Variants in DPH6 observed in about 807,000 individuals in gnomAD.
DPH6 encodes diphthamine biosynthesis 6.
In DPH6, 33 loss-of-function variants were observed where a neutral mutation model predicts 38.2. The ratio of observed to expected loss-of-function variants is 0.86; its 90% CI spans 0.65 to 1.15. The LOEUF (loss-of-function observed/expected upper bound fraction) is 1.15. Among genes scored for constraint, DPH6 ranks in the 50% most tolerant of loss-of-function variants. The probability of loss-of-function intolerance (pLI) is 0.00; values close to 1 mark genes in which losing one functional copy is unlikely to be tolerated. For missense variants in DPH6, 325 were observed against 320.0 expected, an observed-to-expected ratio of 1.02 and a Z score of -0.12; for synonymous variants, 108 against 103.0, an observed-to-expected ratio of 1.05 and a Z score of -0.30.
intron 3 of DPH6, among the ~76,000 whole-genome samples, chr15:35,458,678 A>G (rs1475613152): frequency 6.6e-6 from 1 of 152,210 alleles, no homozygotes; most frequent in Non-Finnish European, 1.5e-5. Flanking sequence ...AGACAGCCAA[A>G]TGAATCACCT....
chr15:35,511,142 C>A (rs547603626), intron 3 of DPH6, among the ~76,000 whole-genome samples: 1 of 152,096 alleles, frequency 6.6e-6, no homozygotes, highest in African/African-American at 2.4e-5. Flanking sequence ...TTAATAAGAT[C>A]CCCAAATGAT....
At chr15:35,366,119 C>A (rs1356641561), downstream of DPH6, 2 of 719,090 alleles carry the variant, frequency 2.8e-6, no homozygotes, top group Non-Finnish European at 3.4e-6. Context: ...TGGCAGCATA[C>A]CTCCATGGAT....
intron 5 of DPH6, among the ~76,000 whole-genome samples, chr15:35,434,927 C>T (rs112987945): frequency 0.024 from 3,700 of 151,994 alleles, 166 homozygotes; most frequent in African/African-American, 0.085. Context: ...GTATATGCCA[C>T]CATGCCCAGC....
In DPH6 at chr15:35,387,154, A is replaced by T. The variant is rs531269938; in HGVS notation, c.568-5238T>A. 1.4e-3 allele frequency among the ~76,000 whole-genome samples: 220 copies of T among 152,248 alleles called. 1 individual carries two copies. The highest frequency in any genetic ancestry group is 5.2e-3 in the African/African-American group (214 of 41,550). ...TTTGTCAAAGATCGGATAGTTGTAGACATGCGGCATTATATCTGAGGTCTC... is the reference window on the plus strand; with the variant it reads ...TTTGTCAAAGATCGGATAGTTGTAGTCATGCGGCATTATATCTGAGGTCTC... On this transcript the variant is annotated intron_variant, in intron 6 of 8. Transcript: ENST00000256538.
chr15:35,251,595 A>G (rs1437581297), intron 3 of DPH6, among the ~76,000 whole-genome samples: 1 of 152,170 alleles, frequency 6.6e-6, no homozygotes, highest in African/African-American at 2.4e-5. Context: ...CCCTTGCCAC[A>G]TCCAAGATCC....
chr15:35,300,349 TA>T (rs2052046492), intron 3 of DPH6, among the ~76,000 whole-genome samples: 1 of 152,172 alleles, frequency 6.6e-6, no homozygotes, highest in South Asian at 2.1e-4. Context: ...ACATTGAGAA[TA>T]AATCATGGAG....
intron 6 of DPH6, among the ~76,000 whole-genome samples, chr15:35,383,298 T>C (rs1226154910): frequency 6.6e-6 from 1 of 152,228 alleles, no homozygotes; most frequent in Non-Finnish European, 1.5e-5. Context: ...ATTACCATTA[T>C]AAAAGACTCA....
At chr15:35,292,112 T>C (rs1488032715) in intron 3 of DPH6, among the ~76,000 whole-genome samples, 1 of 152,142 alleles carries the variant, frequency 6.6e-6, no homozygotes, top group Non-Finnish European at 1.5e-5. Context: ...TCAATACAAA[T>C]ATCTAAATGT....
chr15:35,396,633 T>A lies in DPH6; in HGVS notation c.567+14202A>T, dbSNP rs530437994. On this transcript the variant is annotated intron_variant, in intron 6 of 8. Transcript: ENST00000256538. ...AATTTTTTTCCTTGAAATTCTGTGATACATGATTTTTACTCTCTTAAAGTA... is the reference window on the plus strand; with the variant it reads ...AATTTTTTTCCTTGAAATTCTGTGAAACATGATTTTTACTCTCTTAAAGTA... Among the ~76,000 whole-genome samples, 131 of 152,312 alleles carry A rather than the reference T, an allele frequency of 8.6e-4. 1 individual carries two copies. Among genetic ancestry groups the A allele is most frequent in the Non-Finnish European group, 1.5e-3 (102 of 68,016 alleles).
chr15:35,426,403 A>G (rs1295731769), intron 5 of DPH6, among the ~76,000 whole-genome samples: 1 of 151,832 alleles, frequency 6.6e-6, no homozygotes, highest in East Asian at 1.9e-4. Flanking sequence ...TTTACTGTTC[A>G]GCATTCTTTT....
Position 35,232,600 on chromosome 15 carries a change from AAAAC to A in DPH6, n.201-12022_201-12019del, listed in dbSNP as rs548765019. ...CGTGTCAAAAACAAAAACAAAAACA[AAAAC>A]AAACAAACAAACAACAACAATATAT... On this transcript the variant is annotated intron_variant and non_coding_transcript_variant, in intron 3 of 3. Transcript: ENST00000560386. 3.6e-3 allele frequency among the ~76,000 whole-genome samples: 547 copies of A among 152,132 alleles called. 2 individuals are homozygous for A. Among genetic ancestry groups the A allele is most frequent in the African/African-American group, 0.012 (485 of 41,514 alleles).
At chr15:35,312,103 T>C (rs1003712799) in intron 3 of DPH6, among the ~76,000 whole-genome samples, 5 of 152,088 alleles carry the variant, frequency 3.3e-5, no homozygotes, top group African/African-American at 1.2e-4. Context: ...AGTTTCATCT[T>C]TTTTTAAATG....
intron 3 of DPH6, among the ~76,000 whole-genome samples, chr15:35,505,479 T>C (rs2054682246): frequency 6.6e-6 from 1 of 152,140 alleles, no homozygotes; most frequent in African/African-American, 2.4e-5. Flanking sequence ...GTCTTATTTC[T>C]TTAAAAACTG....
intron 3 of DPH6, among the ~76,000 whole-genome samples, chr15:35,336,588 T>C (rs1004659440): frequency 1.3e-5 from 2 of 152,198 alleles, no homozygotes; most frequent in African/African-American, 4.8e-5. Context: ...GGGTTTGTCA[T>C]AGATAGCTCT....
At chr15:35,436,328 T>C (rs1052655727) in intron 5 of DPH6, among the ~76,000 whole-genome samples, 3 of 150,902 alleles carry the variant, frequency 2.0e-5, no homozygotes, top group Non-Finnish European at 4.4e-5. Context: ...TAGCTGGGCG[T>C]GGTGGTGGGC....
intron 3 of DPH6, among the ~76,000 whole-genome samples, chr15:35,531,458 T>C (rs1474208013): frequency 1.3e-5 from 2 of 152,118 alleles, no homozygotes; most frequent in Non-Finnish European, 2.9e-5. Context: ...GGCTCCCCTG[T>C]ATCCGATAAT....
intron 3 of DPH6, among the ~76,000 whole-genome samples, chr15:35,285,763 GTT>G (rs1312926068): frequency 6.7e-6 from 1 of 150,204 alleles, no homozygotes; most frequent in African/African-American, 2.5e-5. Flanking sequence ...TAACATTCTT[GTT>G]TACTTGAGGA....
chr15:35,178,886 A>G, the DPH6 span, among the ~76,000 whole-genome samples: 1 of 152,074 alleles, frequency 6.6e-6, no homozygotes, highest in Admixed American at 6.6e-5. Context: ...CTAGTATAGT[A>G]CCTAGTACCC....
chr15:35,260,300 G>T (rs2051737810), intron 3 of DPH6, among the ~76,000 whole-genome samples: 1 of 151,942 alleles, frequency 6.6e-6, no homozygotes, highest in Admixed American at 6.6e-5. Context: ...TAGAGACAGG[G>T]TTTCACCATG....
Sources: allele counts gnomAD v4.1 joint callset (sites outside exome capture counted in the v4.1 genomes callset), GRCh38; gene constraint gnomAD v4.1.1; transcripts MANE v1.5; gene names NCBI Gene and HGNC (gene_info 2026-07-23, HGNC 2026-07-21).